The following GNPTAB variants were observed in gnomAD, a reference collection of about 807,000 sequenced individuals.
GNPTAB encodes the protein N-acetylglucosamine-1-phosphotransferase subunits alpha/beta.
A neutral mutation model predicts 136.6 loss-of-function variants in GNPTAB; 92 were observed. That is an observed-to-expected ratio of 0.67 (90% confidence interval 0.57 to 0.80). GNPTAB has a LOEUF of 0.80. Among genes scored for constraint, GNPTAB ranks in the 30% least tolerant of loss-of-function variants. The pLI is 0.00. For missense variants in GNPTAB, 1,343 were observed against 1,501.8 expected, an observed-to-expected ratio of 0.89 and a Z score of 1.75; for synonymous variants, 512 against 535.1, an observed-to-expected ratio of 0.96 and a Z score of 0.60.
At chr12:101,759,305 G>A (rs1439826789) in intron 16 of GNPTAB, among the ~76,000 whole-genome samples, 1 of 146,204 alleles carries the variant, frequency 6.8e-6, no homozygotes, top group Non-Finnish European at 1.5e-5. Context: ...GGAGCTTGCA[G>A]TGAGCCAAGA....
intron 1 of GNPTAB, among the ~76,000 whole-genome samples, chr12:101,824,437 C>CTTTT (rs757768467): frequency 4.3e-5 from 2 of 47,018 alleles, no homozygotes; most frequent in Non-Finnish European, 6.9e-5. Flanking sequence ...TATATATTTT[C>CTTTT]TTTTTTTTTT....
intron 16 of GNPTAB, among the ~76,000 whole-genome samples, chr12:101,758,346 G>T (rs1160332244): frequency 2.6e-5 from 4 of 151,370 alleles, no homozygotes; most frequent in Non-Finnish European, 5.9e-5. Flanking sequence ...GCCAATTTTT[G>T]TATTTTTTAG....
At chr12:101,748,785 T>G (rs930625208) in intron 20 of GNPTAB, among the ~76,000 whole-genome samples, 1 of 152,182 alleles carries the variant, frequency 6.6e-6, no homozygotes, top group Non-Finnish European at 1.5e-5. Flanking sequence ...AAATTAACAT[T>G]AGATAAGGAT....
chr12:101,799,297 A>T lies in GNPTAB; in HGVS notation c.118-2535T>A, dbSNP rs187055359. ...TGTAATGCCAGCAAAGACTGGTTTG[A>T]TCATTTTAAAAAGAGATTTGGCTTA... On this transcript the variant is annotated intron_variant, in intron 1 of 20. Coordinates refer to ENST00000299314, the MANE Select transcript of GNPTAB (RefSeq NM_024312.5). Among the ~76,000 whole-genome samples, 602 of 152,342 alleles carry T rather than the reference A, an allele frequency of 4.0e-3. 4 individuals are homozygous for T. The highest frequency in any genetic ancestry group is 0.014 in the African/African-American group (580 of 41,564).
chr12:101,808,676 G>A (rs973730343), intron 1 of GNPTAB, among the ~76,000 whole-genome samples: 4 of 152,242 alleles, frequency 2.6e-5, no homozygotes, highest in Non-Finnish European at 5.9e-5. Context: ...GCCAGGTGTG[G>A]TGGCTCATGC....
rs757949849 is a variant in GNPTAB, at chr12:101,770,394, A to C, written c.1113+12T>G. ...GAAATCACAGTCTTGTAATTTTTAG[A>C]AAGTCCTGTACCTGGTGTGTTACTA... On this transcript the variant is annotated intron_variant, in intron 9 of 20. Coordinates refer to ENST00000299314, the MANE Select transcript of GNPTAB (RefSeq NM_024312.5). 35 of 1,595,458 alleles carry C rather than the reference A, an allele frequency of 2.2e-5. No homozygotes were observed. The Middle Eastern group carries it at 3.6e-3, about 166-fold the overall frequency.
Position 101,765,019 on chromosome 12 carries a change from A to G in GNPTAB, c.1898T>C (p.Val633Ala), listed in dbSNP as rs758645213. Reference protein sequence around the residue: ...EEFKMQITVEVDTREGPKLNS... With the variant: ...EEFKMQITVEADTREGPKLNS... ...CAGTTTTGGTCCCTCCCTTGTGTCC[A>G]CCTCCACTGTTATCTGCATTTTGAA... The change falls in exon 13 of 21, where the codon GTG (valine) becomes GCG (alanine). Residue 633 changes from valine (V) to alanine (A), a missense_variant. Physicochemically the swap from Val to Ala is moderately conservative, Grantham distance 64. Transcript: ENST00000299314. The G allele has an allele frequency of 6.2e-7, 1 of 1,614,060 alleles. No homozygotes were observed. The highest frequency in any genetic ancestry group is 8.5e-7 in the Non-Finnish European group (1 of 1,180,008).
At chr12:101,760,788 T>C (rs1952980399) in intron 15 of GNPTAB, among the ~76,000 whole-genome samples, 1 of 151,062 alleles carries the variant, frequency 6.6e-6, no homozygotes, top group Non-Finnish European at 1.5e-5. Context: ...TTTCTTTTTT[T>C]TTTTTTTTTG....
intron 7 of GNPTAB, among the ~76,000 whole-genome samples, chr12:101,775,662 C>A (rs542241810): frequency 6.6e-6 from 1 of 151,776 alleles, no homozygotes; most frequent in Non-Finnish European, 1.5e-5. Context: ...TATGCCCGGC[C>A]GCTACTAGAT....
chr12:101,779,825 T>C, intron 7 of GNPTAB: 1 of 360,248 alleles, frequency 2.8e-6, no homozygotes, highest in Non-Finnish European at 5.3e-6. Context: ...TCTACGGCCA[T>C]ACCACCCTGA....
chr12:101,811,393 T>C (rs1870226119), intron 1 of GNPTAB, among the ~76,000 whole-genome samples: 1 of 152,020 alleles, frequency 6.6e-6, no homozygotes, highest in African/African-American at 2.4e-5. Context: ...CTTTTTTTTT[T>C]TTTCTTTTTT....
At chr12:101,770,673 C>G (rs1953158149) in intron 8 of GNPTAB, 88 bp from the exon 9 acceptor site, 1 of 928,598 alleles carries the variant, frequency 1.1e-6, no homozygotes, top group Non-Finnish European at 1.7e-6. Context: ...CCCGTCTGCT[C>G]TCAAGGTGCT....
intron 19 of GNPTAB, among the ~76,000 whole-genome samples, chr12:101,751,874 C>T (rs1421902595): frequency 6.6e-6 from 1 of 152,118 alleles, no homozygotes; most frequent in Non-Finnish European, 1.5e-5. Context: ...ACGCGGGCTC[C>T]CCCATTCAGG....
intron 7 of GNPTAB, chr12:101,779,656 A>T (rs978343073): frequency 5.7e-6 from 1 of 174,774 alleles, no homozygotes; most frequent in Non-Finnish European, 1.2e-5. Context: ...TTGGGTAAAC[A>T]ACAGGCTGTG....
At chr12:101,821,985 A>G (rs1192960583) in intron 1 of GNPTAB, among the ~76,000 whole-genome samples, 1 of 152,192 alleles carries the variant, frequency 6.6e-6, no homozygotes, top group Non-Finnish European at 1.5e-5. Flanking sequence ...TCAGATTCTT[A>G]GGATCTATGG....
At position 101,753,365 on chromosome 12, in the gene GNPTAB, A is replaced by T; in HGVS notation, c.3602+7T>A. ...CACACATGCATATATAAAACATGAG[A>T]ATTTACCATTCCTGCAGCTCATGCA... On this transcript the variant is annotated splice_region_variant and intron_variant, in intron 19 of 20. Coordinates refer to ENST00000299314, the MANE Select transcript of GNPTAB (RefSeq NM_024312.5). 6.2e-7 allele frequency: 1 copy of T among 1,610,478 alleles called. No individual in the cohort carries two copies. Among genetic ancestry groups the T allele is most frequent in the Non-Finnish European group, 8.5e-7 (1 of 1,176,690 alleles).
intron 1 of GNPTAB, among the ~76,000 whole-genome samples, chr12:101,812,986 GT>G (rs56900181): frequency 0.023 from 2,679 of 117,448 alleles, 31 homozygotes; most frequent in Non-Finnish European, 0.034. Flanking sequence ...TTTTGTGTGT[GT>G]TTTTTTTTTT....
chr12:101,798,782 C>T (rs1298717502), intron 1 of GNPTAB, among the ~76,000 whole-genome samples: 1 of 152,204 alleles, frequency 6.6e-6, no homozygotes, highest in Non-Finnish European at 1.5e-5. Flanking sequence ...GTTTGTCTCT[C>T]TAGTAAACTG....
chr12:101,820,827 G>A (rs1284530607), intron 1 of GNPTAB, among the ~76,000 whole-genome samples: 8 of 152,122 alleles, frequency 5.3e-5, no homozygotes, highest in Admixed American at 5.2e-4. Context: ...GGAGGCCGAG[G>A]TGGGTGGATC....
Sources: allele counts gnomAD v4.1 joint callset (sites outside exome capture counted in the v4.1 genomes callset), GRCh38; gene constraint gnomAD v4.1.1; transcripts MANE v1.5; gene names NCBI Gene and HGNC (gene_info 2026-07-23, HGNC 2026-07-21).